The following CABCOCO1 variants were observed in gnomAD, a reference collection of about 807,000 sequenced individuals.
CABCOCO1 encodes ciliary associated calcium binding coiled-coil 1, also known as ciliary-associated calcium-binding coiled-coil protein 1.
CABCOCO1 carries 28 observed loss-of-function variants against 35.7 expected under a neutral mutation model. The observed-to-expected ratio is 0.78, with a 90% confidence interval of 0.58 to 1.07. The LOEUF is 1.07. Ranked by LOEUF, CABCOCO1 falls within the 50% of genes least tolerant of loss-of-function variation. The pLI is 0.00. For missense variants in CABCOCO1, 326 were observed against 309.2 expected, an observed-to-expected ratio of 1.05 and a Z score of -0.41; for synonymous variants, 95 against 100.1, an observed-to-expected ratio of 0.95 and a Z score of 0.30.
intron 5 of CABCOCO1, among the ~76,000 whole-genome samples, chr10:61,759,787 A>C (rs1841968346): frequency 6.6e-6 from 1 of 152,052 alleles, no homozygotes; most frequent in South Asian, 2.1e-4. Context: ...ACTGAAGCAC[A>C]AAACAGTTAA....
Position 61,662,993 on chromosome 10 carries a change from C to T in CABCOCO1, c.21C>T (p.Pro7=). Residue 7 remains proline (P), a synonymous_variant, in exon 1 of 8, where the codon CCC becomes CCT. Transcript: ENST00000648843. MSQGTT[P]WGPTPAGTTP... ...CGGCGATGTCGCAGGGGACGACTCC[C>T]TGGGGGCCGACCCCGGCGGGAACCA... 1 of 113,072 alleles carries T rather than the reference C, an allele frequency of 8.8e-6. No individual in the cohort carries two copies. Among genetic ancestry groups the T allele is most frequent in the Admixed American group, 2.5e-4 (1 of 4,042 alleles). 7.0% of individuals were successfully genotyped at this position (113,072 alleles called of 1,614,324 possible). A position where few individuals can be genotyped will look rare whatever the true frequency, so the allele number is the denominator to read the frequency against.
intron 2 of CABCOCO1, among the ~76,000 whole-genome samples, chr10:61,680,661 ACATG>A (rs1351162860): frequency 0.015 from 1,073 of 70,786 alleles, 45 homozygotes; most frequent in Non-Finnish European, 0.023. Flanking sequence ...ATTATGTTAT[ACATG>A]TATAACATAT....
At chr10:61,677,086 T>C (rs571586526) in intron 2 of CABCOCO1, among the ~76,000 whole-genome samples, 5 of 150,894 alleles carry the variant, frequency 3.3e-5, no homozygotes, top group Non-Finnish European at 7.4e-5. Flanking sequence ...ATAATAATAA[T>C]AATAATAAAT....
chr10:61,718,109 C>A (rs113594201), intron 5 of CABCOCO1, among the ~76,000 whole-genome samples: 1 of 152,090 alleles, frequency 6.6e-6, no homozygotes, highest in Non-Finnish European at 1.5e-5. Context: ...AATGTACTAA[C>A]GGAACCTTTA....
intron 5 of CABCOCO1, among the ~76,000 whole-genome samples, chr10:61,757,218 T>G (rs1841915562): frequency 6.6e-6 from 1 of 152,066 alleles, no homozygotes; most frequent in Non-Finnish European, 1.5e-5. Context: ...TTGATTCTAA[T>G]TTTCCTTAAA....
At chr10:61,685,938 A>T in intron 3 of CABCOCO1, 103 bp from the exon 4 acceptor site, 2 of 977,084 alleles carry the variant, frequency 2.0e-6, no homozygotes, top group Non-Finnish European at 3.0e-6. Context: ...CCTCACAAAT[A>T]CTTAACAAAG....
At chr10:61,761,903 CA>C (rs1013091847) in intron 7 of CABCOCO1, among the ~76,000 whole-genome samples, 3 of 152,100 alleles carry the variant, frequency 2.0e-5, no homozygotes, top group African/African-American at 7.2e-5. Flanking sequence ...TTTACACGAA[CA>C]TTTAATGATT....
chr10:61,712,182 T>G (rs900337781), intron 5 of CABCOCO1, among the ~76,000 whole-genome samples: 33 of 152,238 alleles, frequency 2.2e-4, no homozygotes, highest in African/African-American at 6.5e-4. Flanking sequence ...GTTTCCTGAC[T>G]TTTTAATGAT....
chr10:61,679,622 A>C (rs1163957324), intron 2 of CABCOCO1, among the ~76,000 whole-genome samples: 2 of 152,228 alleles, frequency 1.3e-5, no homozygotes, highest in African/African-American at 4.8e-5. Context: ...CTCCACCTCC[A>C]GTGTATTTCC....
intron 5 of CABCOCO1, among the ~76,000 whole-genome samples, chr10:61,747,299 T>C (rs550751160): frequency 5.3e-5 from 8 of 152,274 alleles, no homozygotes; most frequent in African/African-American, 1.7e-4. Context: ...TTACACAGCA[T>C]TGTTGAGCAG....
At chr10:61,708,938 G>A (rs1840659526) in intron 5 of CABCOCO1, among the ~76,000 whole-genome samples, 1 of 152,068 alleles carries the variant, frequency 6.6e-6, no homozygotes, top group South Asian at 2.1e-4. Flanking sequence ...GATGGACTAC[G>A]CATAAACTTC....
At chr10:61,701,853 T>G (rs1199228171) in intron 5 of CABCOCO1, 1 of 935,360 alleles carries the variant, frequency 1.1e-6, no homozygotes, top group South Asian at 4.9e-5. Context: ...ATAACTGTCT[T>G]CAAATCTAAA....
At chr10:61,754,523 C>T (rs1841857345) in intron 5 of CABCOCO1, among the ~76,000 whole-genome samples, 1 of 152,042 alleles carries the variant, frequency 6.6e-6, no homozygotes. Context: ...CAGGAGTACA[C>T]TTAAAAAGTC....
intron 5 of CABCOCO1, among the ~76,000 whole-genome samples, chr10:61,739,260 T>C (rs1841492573): frequency 6.6e-6 from 1 of 152,214 alleles, no homozygotes; most frequent in Non-Finnish European, 1.5e-5. Context: ...TGAGAATTGC[T>C]ACCACTTGAA....
chr10:61,719,877 C>T (rs1840957641), intron 5 of CABCOCO1, among the ~76,000 whole-genome samples: 1 of 138,662 alleles, frequency 7.2e-6, no homozygotes, highest in African/African-American at 2.7e-5. Flanking sequence ...GCTGAGATCA[C>T]ACCACTGCAC....
intron 5 of CABCOCO1, among the ~76,000 whole-genome samples, chr10:61,745,410 C>T (rs1445085975): frequency 1.3e-5 from 2 of 152,114 alleles, no homozygotes; most frequent in Non-Finnish European, 2.9e-5. Context: ...CTATGGCCTC[C>T]CTGTCCTTGC....
chr10:61,706,670 A>G, intron 5 of CABCOCO1, among the ~76,000 whole-genome samples: 1 of 151,986 alleles, frequency 6.6e-6, no homozygotes, highest in Non-Finnish European at 1.5e-5. Context: ...TCAGAATGCT[A>G]ATGTTATGGA....
intron 5 of CABCOCO1, among the ~76,000 whole-genome samples, chr10:61,714,081 A>T (rs1589136566): frequency 6.6e-6 from 1 of 152,282 alleles, no homozygotes; most frequent in East Asian, 1.9e-4. Flanking sequence ...TTTCAGAAGG[A>T]ATGGTACCAG....
chr10:61,759,907 GGACAAAAAGGGCA>G, intron 5 of CABCOCO1, 139 bp from the exon 6 acceptor site: 1 of 929,762 alleles, frequency 1.1e-6, no homozygotes, highest in Admixed American at 2.9e-5. Context: ...AAGCACTAGA[GGACAAAAAGGGCA>G]ATGGCATCAA....
Sources: allele counts gnomAD v4.1 joint callset (sites outside exome capture counted in the v4.1 genomes callset), GRCh38; gene constraint gnomAD v4.1.1; transcripts MANE v1.5; gene names NCBI Gene and HGNC (gene_info 2026-07-23, HGNC 2026-07-21).